Variants in NALF1 observed in about 807,000 individuals in gnomAD.
NALF1 encodes family with sequence similarity 155 member A.
Under a neutral mutation model 48.4 loss-of-function variants are expected in NALF1, and 3 were observed. The ratio of observed to expected loss-of-function variants is 0.06; its 90% CI spans 0.03 to 0.16. The LOEUF (loss-of-function observed/expected upper bound fraction) is 0.16, where lower values mean the gene tolerates loss of function less well. Among genes scored for constraint, NALF1 ranks in the 10% least tolerant of loss-of-function variants. The pLI is 1.00. For missense variants in NALF1, 526 were observed against 571.5 expected, an observed-to-expected ratio of 0.92 and a Z score of 0.81; for synonymous variants, 262 against 245.7, an observed-to-expected ratio of 1.07 and a Z score of -0.62.
At chr13:107,570,872 G>A (rs1384230517) in intron 1 of NALF1, among the ~76,000 whole-genome samples, 1 of 151,846 alleles carries the variant, frequency 6.6e-6, no homozygotes, top group East Asian at 1.9e-4. Flanking sequence ...AATTTTTACA[G>A]GAATTTTAAA....
At chr13:107,394,411 CTG>C (rs1883676960) in intron 1 of NALF1, among the ~76,000 whole-genome samples, 1 of 152,086 alleles carries the variant, frequency 6.6e-6, no homozygotes, top group Non-Finnish European at 1.5e-5. Context: ...AGTATATGTG[CTG>C]TGACTATATA....
At chr13:107,730,315 C>G (rs565579308) in intron 1 of NALF1, among the ~76,000 whole-genome samples, 1 of 152,308 alleles carries the variant, frequency 6.6e-6, no homozygotes, top group South Asian at 2.1e-4. Flanking sequence ...TCAATCAATA[C>G]TCTCCTGTCT....
chr13:107,447,725 G>A (rs1406687342), intron 1 of NALF1, among the ~76,000 whole-genome samples: 4 of 152,098 alleles, frequency 2.6e-5, no homozygotes, highest in African/African-American at 7.2e-5. Flanking sequence ...AGCTAATTCC[G>A]TGGCAGCAGC....
chr13:107,540,049 T>TACACACAC (rs143201791), intron 1 of NALF1, among the ~76,000 whole-genome samples: 116 of 149,514 alleles, frequency 7.8e-4, no homozygotes, highest in African/African-American at 2.7e-3. Context: ...GCTTCTGATG[T>TACACACAC]ACACACACAC....
intron 1 of NALF1, among the ~76,000 whole-genome samples, chr13:107,747,009 C>T (rs1016416693): frequency 1.3e-5 from 2 of 152,028 alleles, no homozygotes; most frequent in Admixed American, 6.6e-5. Context: ...TAGACATAGC[C>T]CCAAAAGCAC....
intron 1 of NALF1, among the ~76,000 whole-genome samples, chr13:107,670,275 T>A (rs568348791): frequency 5.3e-5 from 8 of 152,078 alleles, no homozygotes; most frequent in African/African-American, 1.7e-4. Context: ...TTCTTTTATA[T>A]ACACTACGTA....
chr13:107,339,747 T>C (rs951630981), intron 1 of NALF1, among the ~76,000 whole-genome samples: 1 of 152,192 alleles, frequency 6.6e-6, no homozygotes, highest in Non-Finnish European at 1.5e-5. Context: ...CATTTCTCCA[T>C]TAAGGCAAAC....
chr13:107,635,370 G>T (rs1315024152), intron 1 of NALF1, among the ~76,000 whole-genome samples: 1 of 151,720 alleles, frequency 6.6e-6, no homozygotes, highest in Non-Finnish European at 1.5e-5. Flanking sequence ...AAGCAAAGGG[G>T]GAAACACTCC....
chr13:107,757,556 T>C (rs1157326079), intron 1 of NALF1, among the ~76,000 whole-genome samples: 2 of 151,802 alleles, frequency 1.3e-5, no homozygotes, highest in African/African-American at 4.8e-5. Flanking sequence ...ATGGTTAATA[T>C]AAACAGTGGT....
intron 2 of NALF1, among the ~76,000 whole-genome samples, chr13:107,173,580 G>T (rs1012213484): frequency 5.3e-5 from 8 of 152,116 alleles, no homozygotes; most frequent in African/African-American, 1.9e-4. Context: ...ACTGGTTGCC[G>T]TCATGCCTGA....
intron 1 of NALF1, among the ~76,000 whole-genome samples, chr13:107,726,573 T>C (rs1876155330): frequency 1.3e-5 from 2 of 151,994 alleles, no homozygotes; most frequent in South Asian, 4.1e-4. Context: ...CTGCCTCTTA[T>C]GTGTTTCTGG....
At chr13:107,496,100 T>C (rs1875325318) in intron 1 of NALF1, among the ~76,000 whole-genome samples, 1 of 152,188 alleles carries the variant, frequency 6.6e-6, no homozygotes, top group African/African-American at 2.4e-5. Context: ...CAAGCTAAAC[T>C]GTTCTTTCTC....
chr13:107,491,882 G>C (rs1325519407), intron 1 of NALF1, among the ~76,000 whole-genome samples: 1 of 151,580 alleles, frequency 6.6e-6, no homozygotes, highest in Non-Finnish European at 1.5e-5. Context: ...GAAATAATAG[G>C]ATCAATAATT....
At chr13:107,416,985 C>CA (rs1334729562) in intron 1 of NALF1, among the ~76,000 whole-genome samples, 2 of 152,334 alleles carry the variant, frequency 1.3e-5, no homozygotes, top group East Asian at 1.9e-4. Context: ...GGGTTCCCAT[C>CA]ACACTGATGC....
intron 1 of NALF1, among the ~76,000 whole-genome samples, chr13:107,771,248 T>TTGTGTATGTG (rs1555324698): frequency 6.6e-6 from 1 of 150,928 alleles, no homozygotes; most frequent in African/African-American, 2.4e-5. Context: ...TTTTAACATG[T>TTGTGTATGTG]TGTGTGTGTG....
At chr13:107,843,714 T>C (rs1880100468) in intron 1 of NALF1, among the ~76,000 whole-genome samples, 1 of 152,100 alleles carries the variant, frequency 6.6e-6, no homozygotes, top group African/African-American at 2.4e-5. Flanking sequence ...ACCTCTTTAC[T>C]GCCTTCCCTG....
At chr13:107,264,352 A>C (rs1233264504) in intron 1 of NALF1, among the ~76,000 whole-genome samples, 1 of 152,242 alleles carries the variant, frequency 6.6e-6, no homozygotes, top group African/African-American at 2.4e-5. Flanking sequence ...ACTAACTTCT[A>C]TCAGAAAGCC....
At chr13:107,259,927 C>T (rs1417316257) in intron 1 of NALF1, among the ~76,000 whole-genome samples, 2 of 152,196 alleles carry the variant, frequency 1.3e-5, no homozygotes, top group Non-Finnish European at 2.9e-5. Context: ...AGCACTATGT[C>T]TATTTCACTC....
At chr13:107,865,653 G>C (rs374194234) in intron 1 of NALF1, 29 bp downstream of exon 1, 1 of 1,600,768 alleles carries the variant, frequency 6.2e-7, no homozygotes, top group African/African-American at 1.3e-5. Flanking sequence ...GAAAGTGCAG[G>C]AAAGGGGGAA....
Sources: allele counts gnomAD v4.1 joint callset (sites outside exome capture counted in the v4.1 genomes callset), GRCh38; gene constraint gnomAD v4.1.1; transcripts MANE v1.5; gene names NCBI Gene and HGNC (gene_info 2026-07-23, HGNC 2026-07-21).